Variants in HYDIN observed in about 807,000 individuals in gnomAD.
HYDIN encodes the protein axonemal central pair apparatus protein HYDIN.
Under a neutral mutation model 403.9 loss-of-function variants are expected in HYDIN, and 132 were observed. The ratio of observed to expected loss-of-function variants is 0.33; its 90% CI spans 0.28 to 0.38. The LOEUF is 0.38. Ranked by LOEUF, HYDIN falls within the 10% of genes least tolerant of loss-of-function variation. HYDIN has a pLI of 1.00. For missense variants in HYDIN, 2,827 were observed against 5,009.5 expected (o/e 0.56, Z 13.15); for synonymous variants, 1,202 against 1,891.7 (o/e 0.64, Z 9.46).
chr16:70,854,499 A>C (rs1291101829), intron 73 of HYDIN, among the ~76,000 whole-genome samples: 1 of 150,486 alleles, frequency 6.6e-6, no homozygotes, highest in Non-Finnish European at 1.5e-5. Flanking sequence ...ATTGCAACCT[A>C]TGCCTCCCGG....
intron 41 of HYDIN, among the ~76,000 whole-genome samples, chr16:70,946,947 A>C (rs369025349): frequency 1.3e-5 from 2 of 152,112 alleles, no homozygotes; most frequent in Non-Finnish European, 2.9e-5. Flanking sequence ...GGGCTGAGAC[A>C]ATGGGGTTTT....
chr16:70,933,172 A>G (rs1346815333), intron 45 of HYDIN, among the ~76,000 whole-genome samples: 1 of 151,976 alleles, frequency 6.6e-6, no homozygotes, highest in Non-Finnish European at 1.5e-5. Flanking sequence ...ACAGCTGGGG[A>G]TGGGGAAGAA....
rs2037865413 is a variant in HYDIN at position 70,842,071 on chromosome 16, C to T, written c.12874-1838G>A. ...AGAACATACTTTGCACGATTTCAAT[C>T]CTTTTAATTTATTGAGGTATGTTTT... On this transcript the variant is annotated intron_variant, in intron 75 of 85. Coordinates refer to ENST00000393567, the MANE Select transcript of HYDIN (RefSeq NM_001270974.2). 2.0e-5 allele frequency among the ~76,000 whole-genome samples: 3 copies of T among 150,958 alleles called. 1 individual carries two copies. In the South Asian group the frequency reaches 6.2e-4, roughly 31 times the overall value.
At chr16:71,074,417 TCA>T (rs1208616509) in intron 13 of HYDIN, among the ~76,000 whole-genome samples, 1 of 151,212 alleles carries the variant, frequency 6.6e-6, no homozygotes, top group Non-Finnish European at 1.5e-5. Context: ...GCACGGTGGC[TCA>T]CACCTGTAAT....
In HYDIN at chr16:71,230,625, C is replaced by A; in HGVS notation, c.-87G>T. The A allele has an allele frequency of 6.5e-7, 1 of 1,536,118 alleles. No individual in the cohort carries two copies. The highest frequency in any genetic ancestry group is 8.7e-7 in the Non-Finnish European group (1 of 1,146,884). ...TTCCCCGCCAAGACCCCGCGTCCAA[C>A]TCACAGACCCCGCCGCCGCTGAGGG... On this transcript the variant is annotated 5_prime_UTR_variant, in exon 1 of 86. Coordinates refer to ENST00000393567, the MANE Select transcript of HYDIN (RefSeq NM_001270974.2).
At chr16:70,902,391 C>T (rs543531612) in intron 52 of HYDIN, among the ~76,000 whole-genome samples, 273 of 146,654 alleles carry the variant, frequency 1.9e-3, no homozygotes, top group Non-Finnish European at 3.2e-3. Flanking sequence ...GGTGAATTAC[C>T]GGAGCTCAGG....
chr16:71,179,212 G>T (rs1267461588), intron 3 of HYDIN, among the ~76,000 whole-genome samples, 165 bp from the exon 4 acceptor site: 1 of 151,772 alleles, frequency 6.6e-6, no homozygotes, highest in Non-Finnish European at 1.5e-5. Flanking sequence ...CTAAAACACA[G>T]GACAAAAGAA....
At chr16:71,092,791 G>A (rs1418867601) in intron 11 of HYDIN, among the ~76,000 whole-genome samples, 1 of 138,456 alleles carries the variant, frequency 7.2e-6, no homozygotes, top group Non-Finnish European at 1.5e-5. Flanking sequence ...ATATTGGCCA[G>A]GCTGGTCTTG....
intron 83 of HYDIN, among the ~76,000 whole-genome samples, chr16:70,821,867 G>T (rs2036287414): frequency 6.6e-6 from 1 of 152,046 alleles, no homozygotes; most frequent in Admixed American, 6.6e-5. Flanking sequence ...ATTACAGGGT[G>T]GCTTACTGAA....
intron 8 of HYDIN, among the ~76,000 whole-genome samples, chr16:71,133,590 G>A (rs1415765671): frequency 6.6e-6 from 1 of 152,140 alleles, no homozygotes; most frequent in Non-Finnish European, 1.5e-5. Context: ...GAGAATTGTA[G>A]GAGCTCTTGT....
Position 70,985,331 on chromosome 16 carries a change from G to T in HYDIN, c.4195-9C>A. 2.3e-6 allele frequency: 3 copies of T among 1,319,700 alleles called. No individual in the cohort carries two copies. Among genetic ancestry groups the T allele is most frequent in the Non-Finnish European group, 3.1e-6 (3 of 959,394 alleles). 81.7% of individuals were successfully genotyped at this position (1,319,700 alleles called of 1,614,324 possible). A position where few individuals can be genotyped will look rare whatever the true frequency, so the allele number is the denominator to read the frequency against. On this transcript the variant is annotated splice_polypyrimidine_tract_variant and intron_variant, in intron 27 of 85. Transcript: ENST00000393567. The stretch of plus-strand genomic sequence containing the variant: ...GTGACATGGTCAAACAGCTTGAGAA[G>T]AGAAGGAGAAGAGTGACTCCATCTT...
intron 1 of HYDIN, among the ~76,000 whole-genome samples, chr16:71,192,959 C>T (rs1193899101): frequency 1.3e-5 from 2 of 152,208 alleles, no homozygotes; most frequent in Non-Finnish European, 2.9e-5. Flanking sequence ...TGATCCCCAT[C>T]TGCCTAGCAA....
chr16:71,211,511 G>A (rs2088589522), intron 1 of HYDIN, among the ~76,000 whole-genome samples: 1 of 151,886 alleles, frequency 6.6e-6, no homozygotes, highest in Admixed American at 6.6e-5. Flanking sequence ...GCGTGGTGAG[G>A]GGCACCTGTA....
At chr16:71,228,381 A>G (rs1598082828) in intron 1 of HYDIN, among the ~76,000 whole-genome samples, 1 of 152,368 alleles carries the variant, frequency 6.6e-6, no homozygotes, top group East Asian at 1.9e-4. Context: ...GGCAACCTAC[A>G]GAATGGGAGA....
chr16:70,908,935 A>G (rs1183933684), intron 47 of HYDIN, 74 bp from the exon 48 acceptor site: 2 of 1,571,060 alleles, frequency 1.3e-6, no homozygotes, highest in South Asian at 1.2e-5. Flanking sequence ...AGATGGCCAC[A>G]TGTCTGTCAT....
chr16:71,056,376 T>G (rs932051147), intron 18 of HYDIN, among the ~76,000 whole-genome samples: 15 of 152,054 alleles, frequency 9.9e-5, no homozygotes, highest in African/African-American at 3.6e-4. Context: ...CTTCATTCCA[T>G]ACTATATGAA....
intron 37 of HYDIN, among the ~76,000 whole-genome samples, chr16:70,964,142 G>C (rs374592663): frequency 0.047 from 6,657 of 142,302 alleles, 41 homozygotes; most frequent in African/African-American, 0.17. Context: ...CTCAGGGGTG[G>C]TGGGCCAGAA....
intron 1 of HYDIN, among the ~76,000 whole-genome samples, chr16:71,215,805 T>C (rs373791817): frequency 1.5e-5 from 2 of 135,146 alleles, no homozygotes; most frequent in Non-Finnish European, 3.2e-5. Flanking sequence ...GACAATCCAA[T>C]AGGGGAAAAA....
chr16:70,976,082 T>A (rs1026229828), intron 30 of HYDIN, among the ~76,000 whole-genome samples: 1 of 151,290 alleles, frequency 6.6e-6, no homozygotes, highest in Non-Finnish European at 1.5e-5. Context: ...TGTTTTTCCT[T>A]TGGATAAAGC....
Sources: gnomAD v4.1 joint callset for allele counts (sites outside exome capture counted in the v4.1 genomes callset) on GRCh38, gnomAD v4.1.1 for gene constraint, MANE v1.5 for transcripts, NCBI Gene and HGNC (gene_info 2026-07-23, HGNC 2026-07-21) for gene names.